NRXN3: variants seen among roughly 807,000 people sequenced by gnomAD.
NRXN3 encodes neurexin III.
Under a neutral mutation model 137.6 loss-of-function variants are expected in NRXN3, and 32 were observed. That is an observed-to-expected ratio of 0.23 (90% CI 0.18 to 0.31). NRXN3 has a LOEUF of 0.31. Among genes scored for constraint, NRXN3 ranks in the 10% least tolerant of loss-of-function variants. NRXN3 has a pLI of 1.00. For missense variants in NRXN3, 1,574 were observed against 2,062.5 expected (o/e 0.76, Z 4.59); for synonymous variants, 798 against 784.5 (o/e 1.02, Z -0.29).
intron 19 of NRXN3, among the ~76,000 whole-genome samples, chr14:79,784,907 T>G (rs894135409): frequency 3.3e-5 from 5 of 152,196 alleles, no homozygotes; most frequent in Non-Finnish European, 7.3e-5. Flanking sequence ...GGGGCTTTAT[T>G]GACTGTTGTA....
intron 10 of NRXN3, among the ~76,000 whole-genome samples, chr14:78,943,354 C>G (rs1473970346): frequency 6.6e-6 from 1 of 151,692 alleles, no homozygotes; most frequent in Non-Finnish European, 1.5e-5. Flanking sequence ...GAGAAAATAA[C>G]TAGCTGCCAA....
intron 2 of NRXN3, among the ~76,000 whole-genome samples, chr14:78,260,505 A>G (rs2070507553): frequency 6.6e-6 from 1 of 152,212 alleles, no homozygotes; most frequent in Non-Finnish European, 1.5e-5. Flanking sequence ...CCAAGTTGAA[A>G]TGGTTTGGCT....
intron 8 of NRXN3, among the ~76,000 whole-genome samples, chr14:78,792,090 C>T (rs1436924440): frequency 1.3e-5 from 2 of 150,860 alleles, no homozygotes; most frequent in East Asian, 1.9e-4. Flanking sequence ...TCAAATAATT[C>T]GATCTAGAGA....
chr14:78,914,269 G>A (rs960436276), intron 10 of NRXN3, among the ~76,000 whole-genome samples: 7 of 152,168 alleles, frequency 4.6e-5, no homozygotes, highest in Non-Finnish European at 8.8e-5. Context: ...CTCCAAATAT[G>A]TGCTAAGCAT....
chr14:79,196,966 C>A lies in NRXN3; in HGVS notation c.3262+208825C>A, dbSNP rs373762443. On this transcript the variant is annotated intron_variant, in intron 15 of 20. Transcript: ENST00000335750. ...AATGGCTCCACTAATCTCAGCTGGG[C>A]TCACTCAAGGGTCTGGGGGTCAGTT... Among the ~76,000 whole-genome samples the A allele has an allele frequency of 5.9e-5, 9 of 152,242 alleles. No homozygotes were observed. The East Asian group carries it at 1.2e-3, about 20-fold the overall frequency.
chr14:79,585,483 G>A (rs189685491), intron 16 of NRXN3, among the ~76,000 whole-genome samples: 122 of 152,112 alleles, frequency 8.0e-4, no homozygotes, highest in African/African-American at 2.7e-3. Context: ...TCAAGAGATT[G>A]AGACCATCCT....
intron 15 of NRXN3, among the ~76,000 whole-genome samples, chr14:79,410,866 C>T (rs1164315116): frequency 1.3e-5 from 2 of 152,032 alleles, no homozygotes; most frequent in African/African-American, 4.8e-5. Flanking sequence ...ATTTGATCAC[C>T]ACTAGAGCCA....
chr14:78,726,606 T>A (rs1293864272), intron 8 of NRXN3, among the ~76,000 whole-genome samples: 1 of 147,182 alleles, frequency 6.8e-6, no homozygotes, highest in Non-Finnish European at 1.5e-5. Context: ...CAACTCCTGC[T>A]CCCTGGGCTC....
At chr14:78,174,025 C>T (rs2059025040) in intron 1 of NRXN3, among the ~76,000 whole-genome samples, 1 of 152,056 alleles carries the variant, frequency 6.6e-6, no homozygotes, top group African/African-American at 2.4e-5. Flanking sequence ...TTATTCTTTC[C>T]CTAAAGCTGT....
chr14:78,311,701 C>T (rs1394578787), intron 4 of NRXN3, among the ~76,000 whole-genome samples: 1 of 151,806 alleles, frequency 6.6e-6, no homozygotes, highest in East Asian at 1.9e-4. Flanking sequence ...CTCATAAAAC[C>T]TGTTCTTTCT....
At chr14:79,621,068 A>G (rs906619694) in intron 16 of NRXN3, among the ~76,000 whole-genome samples, 2 of 152,170 alleles carry the variant, frequency 1.3e-5, no homozygotes, top group Non-Finnish European at 2.9e-5. Context: ...TCAAAATACT[A>G]CAGGTAAACT....
At chr14:78,283,876 A>C (rs2074787318) in intron 3 of NRXN3, among the ~76,000 whole-genome samples, 1 of 152,154 alleles carries the variant, frequency 6.6e-6, no homozygotes, top group South Asian at 2.1e-4. Flanking sequence ...ACAGCCTCTA[A>C]AGTGTTTACA....
intron 15 of NRXN3, among the ~76,000 whole-genome samples, chr14:79,421,646 T>C (rs990842795): frequency 2.6e-5 from 4 of 152,126 alleles, no homozygotes; most frequent in African/African-American, 9.7e-5. Flanking sequence ...TTGTCTAGCT[T>C]TTAATATTAG....
At chr14:78,545,205 C>T (rs1164978971) in intron 4 of NRXN3, among the ~76,000 whole-genome samples, 1 of 152,144 alleles carries the variant, frequency 6.6e-6, no homozygotes, top group Non-Finnish European at 1.5e-5. Flanking sequence ...TGCTAACTGG[C>T]ACCCTGTGCT....
intron 4 of NRXN3, among the ~76,000 whole-genome samples, chr14:78,456,185 C>T (rs764178011): frequency 1.3e-5 from 2 of 152,154 alleles, no homozygotes; most frequent in African/African-American, 2.4e-5. Context: ...TCGACACCCC[C>T]CTACGACAGT....
intron 4 of NRXN3, among the ~76,000 whole-genome samples, chr14:78,640,575 T>C (rs1038570163): frequency 6.6e-6 from 1 of 152,188 alleles, no homozygotes; most frequent in Non-Finnish European, 1.5e-5. Flanking sequence ...AAATTATAAG[T>C]TGGGTGTCTT....
chr14:79,822,224 T>G (rs964736271), intron 20 of NRXN3, among the ~76,000 whole-genome samples: 1 of 152,156 alleles, frequency 6.6e-6, no homozygotes. Context: ...GAGGACAGAT[T>G]AAGCAACCTA....
At chr14:78,304,425 AG>A (rs2077165108) in intron 4 of NRXN3, among the ~76,000 whole-genome samples, 1 of 152,178 alleles carries the variant, frequency 6.6e-6, no homozygotes, top group Non-Finnish European at 1.5e-5. Context: ...CAGGGTGGGT[AG>A]GCTATAACAA....
chr14:79,254,426 GA>G (rs2076318793), intron 15 of NRXN3, among the ~76,000 whole-genome samples: 1 of 152,136 alleles, frequency 6.6e-6, no homozygotes, highest in Non-Finnish European at 1.5e-5. Context: ...GCTCCTTGGT[GA>G]CTTTTCTGTG....
Sources: allele counts gnomAD v4.1 joint callset (sites outside exome capture counted in the v4.1 genomes callset), GRCh38; gene constraint gnomAD v4.1.1; transcripts MANE v1.5; gene names NCBI Gene and HGNC (gene_info 2026-07-23, HGNC 2026-07-21).